The following MACROD2 variants were observed in gnomAD, a reference collection of about 807,000 sequenced individuals.
MACROD2 encodes the protein mono-ADP ribosylhydrolase 2.
MACROD2 carries 36 observed loss-of-function variants against 70.4 expected under a neutral mutation model. The ratio of observed to expected loss-of-function variants is 0.51; its 90% CI spans 0.39 to 0.68. MACROD2 has a LOEUF of 0.68. Among genes scored for constraint, MACROD2 ranks in the 30% least tolerant of loss-of-function variants. MACROD2 has a pLI of 0.00. For synonymous variants in MACROD2, 172 were observed against 178.8 expected (o/e 0.96, Z 0.30); for missense variants, 496 against 538.4 (o/e 0.92, Z 0.78).
intron 5 of MACROD2, among the ~76,000 whole-genome samples, chr20:14,940,752 T>C (rs1458159492): frequency 1.3e-5 from 2 of 152,202 alleles, no homozygotes; most frequent in African/African-American, 4.8e-5. Context: ...TTCCACCTGA[T>C]CTTGGTGAAT....
At chr20:14,740,845 G>T (rs2071724317) in intron 5 of MACROD2, among the ~76,000 whole-genome samples, 2 of 152,102 alleles carry the variant, frequency 1.3e-5, no homozygotes, top group South Asian at 4.1e-4. Flanking sequence ...AGAGTTTTCT[G>T]CCATCTTGGC....
intron 5 of MACROD2, among the ~76,000 whole-genome samples, chr20:15,163,596 G>T (rs1435233128): frequency 6.6e-6 from 1 of 152,066 alleles, no homozygotes; most frequent in Non-Finnish European, 1.5e-5. Flanking sequence ...ATAGTCATAA[G>T]AGTTGACCAT....
chr20:14,059,843 G>A (rs946998989), intron 2 of MACROD2, among the ~76,000 whole-genome samples: 1 of 152,174 alleles, frequency 6.6e-6, no homozygotes, highest in African/African-American at 2.4e-5. Flanking sequence ...GCTAGAATGA[G>A]GAGAAGGGAC....
At chr20:14,653,672 T>C (rs1985810887) in intron 4 of MACROD2, among the ~76,000 whole-genome samples, 1 of 152,146 alleles carries the variant, frequency 6.6e-6, no homozygotes, top group Non-Finnish European at 1.5e-5. Context: ...AAACCTTAAA[T>C]GATATAACGT....
At chr20:15,292,000 T>G (rs1417748124) in intron 6 of MACROD2, among the ~76,000 whole-genome samples, 1 of 152,148 alleles carries the variant, frequency 6.6e-6, no homozygotes, top group Non-Finnish European at 1.5e-5. Context: ...TAAGTCTAAA[T>G]AGATTGTCTC....
At chr20:14,125,422 G>C (rs1170873289) in intron 3 of MACROD2, among the ~76,000 whole-genome samples, 1 of 152,034 alleles carries the variant, frequency 6.6e-6, no homozygotes, top group Non-Finnish European at 1.5e-5. Flanking sequence ...ATAATTTCAG[G>C]CTTAGGCTAC....
intron 8 of MACROD2, among the ~76,000 whole-genome samples, chr20:15,820,318 G>A (rs2063925939): frequency 6.6e-6 from 1 of 152,024 alleles, no homozygotes; most frequent in African/African-American, 2.4e-5. Context: ...AGCCCCTTGA[G>A]TATTTGGGAC....
intron 8 of MACROD2, among the ~76,000 whole-genome samples, chr20:15,771,508 G>A (rs2051626661): frequency 6.6e-6 from 1 of 151,358 alleles, no homozygotes; most frequent in Admixed American, 6.6e-5. Flanking sequence ...AAAGAGGGGA[G>A]ATAGAAAGTC....
chr20:15,924,284 A>G (rs2065456169), intron 10 of MACROD2, among the ~76,000 whole-genome samples: 1 of 152,236 alleles, frequency 6.6e-6, no homozygotes, highest in Non-Finnish European at 1.5e-5. Context: ...GTATTGAATT[A>G]TACCTTGGAG....
chr20:15,892,532 T>C (rs2064905730), intron 10 of MACROD2, among the ~76,000 whole-genome samples: 2 of 152,262 alleles, frequency 1.3e-5, no homozygotes, highest in Non-Finnish European at 2.9e-5. Context: ...TAGCCCTGCG[T>C]TCAGGACTGA....
At chr20:15,158,390 C>A (rs2076324007) in intron 5 of MACROD2, among the ~76,000 whole-genome samples, 2 of 152,100 alleles carry the variant, frequency 1.3e-5, no homozygotes, top group South Asian at 4.2e-4. Flanking sequence ...ATCTTATCCC[C>A]ACAAAATCCT....
At chr20:14,672,823 T>C (rs2070810809) in intron 4 of MACROD2, among the ~76,000 whole-genome samples, 1 of 152,224 alleles carries the variant, frequency 6.6e-6, no homozygotes, top group Non-Finnish European at 1.5e-5. Flanking sequence ...CATGTACTTA[T>C]ATGTATGTGT....
At chr20:14,125,197 G>C (rs2054633216) in intron 3 of MACROD2, among the ~76,000 whole-genome samples, 1 of 152,162 alleles carries the variant, frequency 6.6e-6, no homozygotes, top group Non-Finnish European at 1.5e-5. Context: ...TAATGGATCT[G>C]AGATGAAATG....
At chr20:14,057,237 G>A (rs1601168466) in intron 2 of MACROD2, among the ~76,000 whole-genome samples, 1 of 152,092 alleles carries the variant, frequency 6.6e-6, no homozygotes, top group East Asian at 1.9e-4. Context: ...TCTTAAACAG[G>A]ACACACAACT....
chr20:14,379,454 A>C (rs186033417), intron 3 of MACROD2, among the ~76,000 whole-genome samples: 6 of 152,320 alleles, frequency 3.9e-5, no homozygotes, highest in South Asian at 2.1e-4. Flanking sequence ...AATTGTAAGA[A>C]ATATATAAAT....
In MACROD2 at chr20:15,727,149, A is replaced by G. The variant is rs147381249; in HGVS notation, c.646-135596A>G. Among the ~76,000 whole-genome samples, 569 of 152,218 alleles carry G rather than the reference A, an allele frequency of 3.7e-3. 4 individuals are homozygous for G. The highest frequency in any genetic ancestry group is 0.013 in the African/African-American group (538 of 41,570). On this transcript the variant is annotated intron_variant, in intron 8 of 17. Transcript: ENST00000684519. ...GCTATAAGGAAGGAGTTCAGTTTCA[A>G]TCTTCTGCATGTGGCTAGCCAGTTA...
intron 5 of MACROD2, among the ~76,000 whole-genome samples, chr20:14,941,344 C>T (rs1219656405): frequency 6.6e-6 from 1 of 152,040 alleles, no homozygotes; most frequent in Non-Finnish European, 1.5e-5. Flanking sequence ...TGGCTGCCCT[C>T]TGGGGTATTT....
intron 8 of MACROD2, among the ~76,000 whole-genome samples, chr20:15,504,213 C>T (rs1188873049): frequency 6.6e-6 from 1 of 152,042 alleles, no homozygotes; most frequent in African/African-American, 2.4e-5. Context: ...TGTTGCCCAC[C>T]ATCCACTTGT....
At chr20:15,647,005 A>T (rs1430220979) in intron 8 of MACROD2, among the ~76,000 whole-genome samples, 2 of 152,236 alleles carry the variant, frequency 1.3e-5, no homozygotes, top group Non-Finnish European at 2.9e-5. Flanking sequence ...TCACCTGACC[A>T]TATTGCATCT....
Sources: allele counts gnomAD v4.1 joint callset (sites outside exome capture counted in the v4.1 genomes callset), GRCh38; gene constraint gnomAD v4.1.1; transcripts MANE v1.5; gene names NCBI Gene and HGNC (gene_info 2026-07-23, HGNC 2026-07-21).